The following CEP170B variants were observed in gnomAD, a reference collection of about 807,000 sequenced individuals.
The protein encoded by CEP170B is centrosomal protein of 170 kDa protein B.
A neutral mutation model predicts 120.6 loss-of-function variants in CEP170B; 55 were observed. The ratio of observed to expected loss-of-function variants is 0.46; its 90% confidence interval spans 0.37 to 0.57. The LOEUF (loss-of-function observed/expected upper bound fraction) is 0.57, where lower values mean the gene tolerates loss of function less well. Among genes scored for constraint, CEP170B ranks in the 20% least tolerant of loss-of-function variants. The pLI, the probability that CEP170B is intolerant of heterozygous loss-of-function variation, is 0.00. For synonymous variants in CEP170B, 1,033 were observed against 954.5 expected (o/e 1.08, Z -1.52); for missense variants, 2,212 against 2,253.3 (o/e 0.98, Z 0.37).
chr14:104,883,002 G>A (rs1896237037), intron 7 of CEP170B, 33 bp from the exon 8 acceptor site: 1 of 1,480,742 alleles, frequency 6.8e-7, no homozygotes, highest in Non-Finnish European at 9.0e-7. Context: ...TGGTTACCCT[G>A]AGGCCCGGTC....
intron 5 of CEP170B, among the ~76,000 whole-genome samples, chr14:104,879,249 G>T (rs1896016744): frequency 6.6e-6 from 1 of 152,128 alleles, no homozygotes; most frequent in Non-Finnish European, 1.5e-5. Flanking sequence ...TAGGCTCGGG[G>T]GATTTGAGGA....
chr14:104,871,027 C>G (rs1032575848), intron 2 of CEP170B, among the ~76,000 whole-genome samples: 1 of 151,828 alleles, frequency 6.6e-6, no homozygotes, highest in Admixed American at 6.5e-5. Flanking sequence ...ATGTCCAGCC[C>G]CTTGGCCCCT....
rs192321121 is a variant in CEP170B at position 104,881,627 on chromosome 14, G to A, written c.473-1101G>A. Reference sequence around the variant, plus strand: ...GTGACAGCCAGTGTGGGGCTGTCCCGGAGGTCATGACAGGTGCAGCCAGCT... The same window carrying A: ...GTGACAGCCAGTGTGGGGCTGTCCCAGAGGTCATGACAGGTGCAGCCAGCT... On this transcript the variant is annotated intron_variant, in intron 6 of 18. Transcript: ENST00000414716. Among the ~76,000 whole-genome samples the A allele has an allele frequency of 2.8e-4, 42 of 152,266 alleles. 1 individual carries two copies. Among genetic ancestry groups the A allele is most frequent in the Admixed American group, 2.0e-3 (31 of 15,298 alleles).
rs1233674854 is a variant in CEP170B at position 104,887,674 on chromosome 14, G to C, written c.3435G>C (p.Gly1145=). Reference sequence around the variant, plus strand: ...CTGAGGCTGCGGATGGTGAGCGGGGGTCCCTGGGCAACCCTGAGCCCGTGG... The same window carrying C: ...CTGAGGCTGCGGATGGTGAGCGGGGCTCCCTGGGCAACCCTGAGCCCGTGG... ...SDTEAADGER[G]SLGNPEPVGR... Residue 1145 remains glycine, a synonymous_variant, in exon 12 of 19, where the codon GGG becomes GGC. Coordinates refer to ENST00000414716, the MANE Select transcript of CEP170B (RefSeq NM_001112726.3). 2.5e-6 allele frequency: 4 copies of C among 1,574,810 alleles called. No homozygotes were observed. The African/African-American group carries it at 4.0e-5, about 16-fold the overall frequency.
At chr14:104,877,616 A>G (rs1423877568) in intron 3 of CEP170B, among the ~76,000 whole-genome samples, 1 of 152,194 alleles carries the variant, frequency 6.6e-6, no homozygotes, top group African/African-American at 2.4e-5. Context: ...AGATGCTCAA[A>G]GAGTTCTGTT....
At chr14:104,865,213 C>CGGGCGGGGGCGTGCCCG (rs1895140352), upstream of CEP170B, 1 of 5,460 alleles carries the variant, frequency 1.8e-4, no homozygotes, top group Non-Finnish European at 4.2e-4. The surrounding 1 kb of genome is among the most constrained non-coding windows in gnomAD (Gnocchi z 6.7). Context: ...GGGGGCGGGG[C>CGGGCGGGGGCGTGCCCG]GGGCGGGGGC....
rs555831447 is a variant in CEP170B, at chr14:104,868,785, C to T, written c.105+230C>T. On this transcript the variant is annotated intron_variant, in intron 2 of 18. Coordinates refer to ENST00000414716, the MANE Select transcript of CEP170B (RefSeq NM_001112726.3). This position sits in a 1 kb window ranked among gnomAD's most constrained non-coding sequence, Gnocchi z 5.9. ...CACAGGCTCGGGTCCCTGCCCCGTA[C>T]GTATCCCTGTCTCTGACAGGAGGGG... is the stretch of plus-strand genomic sequence containing the variant. Among the ~76,000 whole-genome samples, 6 of 152,276 alleles carry T rather than the reference C, an allele frequency of 3.9e-5. No individual in the cohort carries two copies. Among genetic ancestry groups the T allele is most frequent in the South Asian group, 4.1e-4 (2 of 4,824 alleles).
At chr14:104,874,682 A>G (rs2140648315) in intron 2 of CEP170B, among the ~76,000 whole-genome samples, 2 of 147,322 alleles carry the variant, frequency 1.4e-5, no homozygotes, top group South Asian at 4.3e-4. Flanking sequence ...CCTCCACTGC[A>G]GTCCTCCCCT....
Position 104,884,482 on chromosome 14 carries a change from G to A in CEP170B, c.1703G>A (p.Gly568Glu), listed in dbSNP as rs1038904275. The change falls in exon 9 of 19, where the codon GGG becomes GAG. Residue 568 changes from glycine to glutamate, a missense_variant. By Grantham distance (98) the Gly-to-Glu change is moderately conservative. Coordinates refer to ENST00000414716, the MANE Select transcript of CEP170B (RefSeq NM_001112726.3). ...QEEDDSLSDA[G>E]TYTIETEAQD... ...GAGGACGACAGCCTCAGTGACGCAGGGACATACACCATCGAGACCGAGGCG... is the reference window on the plus strand; with the variant it reads ...GAGGACGACAGCCTCAGTGACGCAGAGACATACACCATCGAGACCGAGGCG... 6.4e-7 allele frequency: 1 copy of A among 1,563,972 alleles called. No individual in the cohort carries two copies. The highest frequency in any genetic ancestry group is 1.9e-5 in the Admixed American group (1 of 53,136).
intron 5 of CEP170B, 72 bp downstream of exon 5, chr14:104,878,573 C>T (rs1294960873): frequency 9.9e-6 from 15 of 1,511,584 alleles, no homozygotes; most frequent in Non-Finnish European, 1.2e-5. Flanking sequence ...CATGCTCCCG[C>T]TGCCATCTCC....
chr14:104,876,708 C>T (rs576993273), intron 3 of CEP170B, among the ~76,000 whole-genome samples: 11 of 152,346 alleles, frequency 7.2e-5, no homozygotes, highest in Non-Finnish European at 1.5e-4. Flanking sequence ...AAGGATCAGG[C>T]TGCTCTCAGG....
intron 2 of CEP170B, among the ~76,000 whole-genome samples, chr14:104,872,479 G>GCATGTGTGCCGTGTGTGTGC (rs56011173): frequency 1.0e-5 from 1 of 95,966 alleles, no homozygotes; most frequent in Admixed American, 1.0e-4. Context: ...CCGTGTGTGT[G>GCATGTGTGCCGTGTGTGTGC]CGTGTGTGCC....
In CEP170B at chr14:104,883,853, G is replaced by A. The variant is rs771866351; in HGVS notation, c.1074G>A (p.Thr358=). 66 of 1,566,034 alleles carry A rather than the reference G, an allele frequency of 4.2e-5. No homozygotes were observed. Among genetic ancestry groups the A allele is most frequent in the South Asian group, 1.8e-4 (15 of 85,358 alleles). ...CAGGCCACAAGCACGAGGACGGCAC[G>A]CAGAGTGACTCAGAGGACCCCCTGG... The part of the protein sequence containing the change: ...TLKGHKHEDG[T]QSDSEDPLAK... The change falls in exon 9 of 19, where the codon ACG becomes ACA. Residue 358 remains threonine (T), a synonymous_variant. Coordinates refer to ENST00000414716, the MANE Select transcript of CEP170B (RefSeq NM_001112726.3).
chr14:104,877,415 A>G (rs1458262607), intron 3 of CEP170B, among the ~76,000 whole-genome samples: 1 of 152,116 alleles, frequency 6.6e-6, no homozygotes, highest in Non-Finnish European at 1.5e-5. Flanking sequence ...GGACTGGTGC[A>G]TCAACACTCC....
rs199807157 is a variant in CEP170B, at chr14:104,893,579, G to A, written c.4095G>A (p.Ser1365=). 46 of 1,604,500 alleles carry A rather than the reference G, an allele frequency of 2.9e-5. No individual in the cohort carries two copies. The Admixed American group carries it at 5.6e-4, about 20-fold the overall frequency. The change falls in exon 15 of 19, where the codon TCG becomes TCA. Residue 1365 remains serine (S), a synonymous_variant. Transcript: ENST00000414716. ...ACTTCCAGAAGGTGCCGCCCGGCTC[G>A]CTGAACTCTCGGGACTTTGACCAGA... ...SLNFQKVPPG[S]LNSRDFDQNM...
chr14:104,883,031 C>A lies in CEP170B; in HGVS notation c.578-4C>A. The A allele has an allele frequency of 2.0e-6, 3 of 1,507,846 alleles. No individual in the cohort carries two copies. The highest frequency in any genetic ancestry group is 2.7e-6 in the Non-Finnish European group (3 of 1,128,362). The allele number at this position is 1,507,846 out of a possible 1,614,324, so 93.4% of individuals were successfully genotyped here. A position where few individuals can be genotyped will look rare whatever the true frequency, so the allele number is the denominator to read the frequency against. ...CCCGGTCTGAAGACATCTTCCCACA[C>A]CAGAGCGCCCCAAGGGACCAGTGCA... On this transcript the variant is annotated splice_polypyrimidine_tract_variant and splice_region_variant and intron_variant, in intron 7 of 18. Transcript: ENST00000414716.
At position 104,887,919 on chromosome 14, in the gene CEP170B, C is replaced by T. The variant is rs1394484685; in HGVS notation, c.3680C>T (p.Thr1227Ile). The T allele has an allele frequency of 7.8e-6, 12 of 1,546,756 alleles. No individual in the cohort carries two copies. The Middle Eastern group carries it at 5.0e-4, about 65-fold the overall frequency. ...AGGAAGGCTGCCAACACAGCCACCA[C>T]CACGGGTCCCCGCCAGCCCTTCAGC... ...VSRKAANTAT[T>I]TGPRQPFSRA... The change falls in exon 12 of 19, where the codon ACC (threonine) becomes ATC (isoleucine). Residue 1227 changes from threonine (T) to isoleucine (I), a missense_variant. Physicochemically the swap from Thr to Ile is moderately conservative, Grantham distance 89. This residue lies in a region of CEP170B where 2,166 missense variants were observed against 2,166.7 expected (regional missense o/e 1.00). Coordinates refer to ENST00000414716, the MANE Select transcript of CEP170B (RefSeq NM_001112726.3).
chr14:104,880,335 C>G lies in CEP170B; in HGVS notation c.382C>G (p.Pro128Ala). 5 of 1,611,304 alleles carry G rather than the reference C, an allele frequency of 3.1e-6. No individual in the cohort carries two copies. Among genetic ancestry groups the G allele is most frequent in the South Asian group, 1.1e-5 (1 of 90,650 alleles). The change falls in exon 6 of 19, where the codon CCC becomes GCC. Residue 128 changes from proline to alanine, a missense_variant. By Grantham distance (27) the Pro-to-Ala change is conservative. This residue lies in a region of CEP170B where 2,166 missense variants were observed against 2,166.7 expected (regional missense o/e 1.00). Transcript: ENST00000414716. ...GCAGGTGAGCGTGAAGGGTTTGGCG[C>G]CCAAGAGGAGCGAGGCACTGCCGGA... ...QLQVSVKGLA[P>A]KRSEALPEHT...
At chr14:104,878,623 G>A in intron 5 of CEP170B, 122 bp downstream of exon 5, 1 of 1,034,454 alleles carries the variant, frequency 9.7e-7, no homozygotes, top group Non-Finnish European at 1.4e-6. Context: ...GCCCTGTTCA[G>A]GCTGCGGGTG....
Sources: gnomAD v4.1 joint callset for allele counts (sites outside exome capture counted in the v4.1 genomes callset) on GRCh38, gnomAD v4.1.1 for gene constraint, gnomAD v4.1.1 regional missense constraint, Gnocchi (gnomAD v3.1) non-coding constraint, MANE v1.5 for transcripts, NCBI Gene and HGNC (gene_info 2026-07-23, HGNC 2026-07-21) for gene names.